Variants in LUZP2 observed in about 807,000 individuals in gnomAD.
LUZP2 encodes leucine zipper protein 2.
Under a neutral mutation model 51.6 loss-of-function variants are expected in LUZP2, and 52 were observed. The ratio of observed to expected loss-of-function variants is 1.01; its 90% CI spans 0.81 to 1.27. The LOEUF is 1.27. Among genes scored for constraint, LUZP2 ranks in the 50% most tolerant of loss-of-function variants. The pLI is 0.00. For missense variants in LUZP2, 436 were observed against 395.4 expected (o/e 1.10, Z -0.87); for synonymous variants, 154 against 137.3 (o/e 1.12, Z -0.85).
At chr11:25,008,801 G>A (rs1261730389) in intron 9 of LUZP2, among the ~76,000 whole-genome samples, 1 of 152,118 alleles carries the variant, frequency 6.6e-6, no homozygotes, top group East Asian at 1.9e-4. Context: ...CCCAATGTGT[G>A]ACTGAGTCCA....
At chr11:24,827,558 G>A (rs912193915) in intron 5 of LUZP2, among the ~76,000 whole-genome samples, 3 of 152,066 alleles carry the variant, frequency 2.0e-5, no homozygotes, top group Non-Finnish European at 4.4e-5. Flanking sequence ...CAAAGGTCTT[G>A]AAACTTGAGG....
chr11:24,890,612 C>G (rs57488302), intron 5 of LUZP2, among the ~76,000 whole-genome samples: 1 of 152,066 alleles, frequency 6.6e-6, no homozygotes, highest in African/African-American at 2.4e-5. Context: ...ATCAAAAGTT[C>G]TCATACATGA....
chr11:24,527,939 A>G (rs1850865834), intron 1 of LUZP2, among the ~76,000 whole-genome samples: 1 of 151,286 alleles, frequency 6.6e-6, no homozygotes, highest in Non-Finnish European at 1.5e-5. Context: ...TTTTGTGACC[A>G]TAGACATCAG....
rs192288869 is a variant in LUZP2 at position 25,019,065 on chromosome 11, G to T, written c.766-30973G>T. 2.9e-3 allele frequency among the ~76,000 whole-genome samples: 438 copies of T among 152,236 alleles called. 2 individuals are homozygous for T. The highest frequency in any genetic ancestry group is 1.5e-3 in the Non-Finnish European group (104 of 68,008). ...TTTACGCCAGAGTGGCACATTTGTT[G>T]CACTCAATGAACTACCTTGACACAT... On this transcript the variant is annotated intron_variant, in intron 9 of 11. Transcript: ENST00000336930.
chr11:24,746,487 C>A (rs1446781329), intron 4 of LUZP2, among the ~76,000 whole-genome samples: 1 of 152,144 alleles, frequency 6.6e-6, no homozygotes, highest in East Asian at 1.9e-4. Context: ...CTTAAGATTC[C>A]TTCCTTCATC....
At chr11:24,726,554 AC>A (rs1176008188) in intron 1 of LUZP2, among the ~76,000 whole-genome samples, 1 of 152,106 alleles carries the variant, frequency 6.6e-6, no homozygotes, top group Non-Finnish European at 1.5e-5. Flanking sequence ...TAACATGTTG[AC>A]TTTTAGTGAA....
intron 9 of LUZP2, among the ~76,000 whole-genome samples, chr11:25,018,610 T>G (rs980387690): frequency 2.4e-5 from 2 of 82,610 alleles, no homozygotes; most frequent in African/African-American, 1.6e-4. Flanking sequence ...TTCCTTTTTT[T>G]TTTTTTTTTT....
chr11:24,913,393 G>A (rs1474122463), intron 6 of LUZP2, among the ~76,000 whole-genome samples: 2 of 151,992 alleles, frequency 1.3e-5, no homozygotes, highest in African/African-American at 2.4e-5. Context: ...TCCATGTCAT[G>A]GATATACTAC....
At chr11:24,822,561 A>T (rs184516872) in intron 5 of LUZP2, among the ~76,000 whole-genome samples, 6 of 151,968 alleles carry the variant, frequency 3.9e-5, no homozygotes, top group Non-Finnish European at 7.4e-5. Context: ...ATTCTTTGTG[A>T]TGGTTATTGT....
At chr11:24,771,538 A>C (rs1213862357) in intron 5 of LUZP2, among the ~76,000 whole-genome samples, 5 of 151,472 alleles carry the variant, frequency 3.3e-5, no homozygotes, top group African/African-American at 1.2e-4. Context: ...AGGACTTTGC[A>C]TATATTGAGA....
intron 5 of LUZP2, among the ~76,000 whole-genome samples, chr11:24,832,561 A>G (rs1011718067): frequency 4.3e-4 from 1 of 2,336 alleles, no homozygotes; most frequent in African/African-American, 5.6e-4. Context: ...GAAACAATGA[A>G]ATATAACTTA....
intron 1 of LUZP2, among the ~76,000 whole-genome samples, chr11:24,552,907 T>G (rs1851761449): frequency 6.6e-6 from 1 of 151,364 alleles, no homozygotes. Flanking sequence ...TGAAAATTAA[T>G]ACTTTATTTT....
chr11:24,722,230 A>G (rs1858300665), intron 1 of LUZP2, among the ~76,000 whole-genome samples: 1 of 152,234 alleles, frequency 6.6e-6, no homozygotes, highest in African/African-American at 2.4e-5. Context: ...AATTTGGTCT[A>G]TATTTGTATC....
chr11:25,056,611 C>G (rs1858690135), intron 10 of LUZP2, among the ~76,000 whole-genome samples: 1 of 152,042 alleles, frequency 6.6e-6, no homozygotes, highest in Admixed American at 6.5e-5. Flanking sequence ...ATTCAGATCC[C>G]TTTATCAATA....
At chr11:24,923,526 G>A (rs183650522) in intron 7 of LUZP2, among the ~76,000 whole-genome samples, 96 of 152,054 alleles carry the variant, frequency 6.3e-4, no homozygotes, top group Middle Eastern at 3.4e-3. Context: ...GTGAAACATC[G>A]TCTCTATTAA....
chr11:24,658,463 A>G (rs1250903297), intron 1 of LUZP2, among the ~76,000 whole-genome samples: 1 of 152,234 alleles, frequency 6.6e-6, no homozygotes, highest in Non-Finnish European at 1.5e-5. Flanking sequence ...ACCTAAAACC[A>G]TAAAAACCCT....
intron 9 of LUZP2, among the ~76,000 whole-genome samples, chr11:25,021,364 G>A (rs540619092): frequency 4.6e-5 from 7 of 151,848 alleles, no homozygotes; most frequent in Non-Finnish European, 1.0e-4. Flanking sequence ...AACAAGATCA[G>A]GAAGAAACTG....
At chr11:24,963,224 A>C (rs1855471373) in intron 7 of LUZP2, among the ~76,000 whole-genome samples, 1 of 152,218 alleles carries the variant, frequency 6.6e-6, no homozygotes, top group Non-Finnish European at 1.5e-5. Flanking sequence ...TCACGGACCC[A>C]CTTGAGGAGG....
At chr11:24,998,256 G>A (rs1856568514) in intron 9 of LUZP2, among the ~76,000 whole-genome samples, 1 of 152,158 alleles carries the variant, frequency 6.6e-6, no homozygotes, top group African/African-American at 2.4e-5. Flanking sequence ...CCATGAGCAT[G>A]GAATGTTCTT....
Sources: gnomAD v4.1 joint callset for allele counts (sites outside exome capture counted in the v4.1 genomes callset) on GRCh38, gnomAD v4.1.1 for gene constraint, MANE v1.5 for transcripts, NCBI Gene and HGNC (gene_info 2026-07-23, HGNC 2026-07-21) for gene names.